Variants in TENM3 observed in about 807,000 individuals in gnomAD.
TENM3 encodes teneurin transmembrane protein 3, also known as teneurin-3.
Under a neutral mutation model 255.1 loss-of-function variants are expected in TENM3, and 63 were observed. The observed-to-expected ratio is 0.25, with a 90% CI of 0.20 to 0.30. The LOEUF is 0.30. Ranked by LOEUF, TENM3 falls within the 10% of genes least tolerant of loss-of-function variation. TENM3 has a pLI of 1.00. For missense variants in TENM3, 2,929 were observed against 3,461.1 expected (o/e 0.85, Z 3.86); for synonymous variants, 1,306 against 1,322.3 (o/e 0.99, Z 0.27).
chr4:182,302,311 G>A (rs1266675570), intron 1 of TENM3, among the ~76,000 whole-genome samples: 1 of 152,152 alleles, frequency 6.6e-6, no homozygotes, highest in Non-Finnish European at 1.5e-5. Flanking sequence ...CCTGTGGAAG[G>A]TGAAAGTCAT....
chr4:182,181,027 A>AT (rs199749647), intron 1 of TENM3, among the ~76,000 whole-genome samples: 30 of 149,696 alleles, frequency 2.0e-4, no homozygotes, highest in African/African-American at 5.4e-4. Context: ...ATTCTTGGTG[A>AT]TTTTTTTTTT....
chr4:181,907,699 C>T, the TENM3 span, among the ~76,000 whole-genome samples: 7 of 152,248 alleles, frequency 4.6e-5, no homozygotes, highest in East Asian at 1.9e-4. Context: ...CATCACCCCA[C>T]AAGCTCTCAG....
chr4:181,610,973 C>T, the TENM3 span, among the ~76,000 whole-genome samples: 1 of 152,184 alleles, frequency 6.6e-6, no homozygotes, highest in East Asian at 1.9e-4. Flanking sequence ...GGAAAAGACC[C>T]AAAGGTCAAC....
chr4:182,739,326 G>A (rs762264901), intron 18 of TENM3, among the ~76,000 whole-genome samples: 12 of 152,174 alleles, frequency 7.9e-5, no homozygotes, highest in Non-Finnish European at 1.6e-4. Context: ...ACACAATTCT[G>A]TTGTCTAGAC....
the TENM3 span, among the ~76,000 whole-genome samples, chr4:181,797,647 C>A: frequency 0.44 from 67,217 of 151,994 alleles, 15,452 homozygotes; most frequent in Non-Finnish European, 0.5. Flanking sequence ...AGAAAGAGGA[C>A]ACTTCATAGC....
At chr4:182,788,999 GAATC>G in intron 24 of TENM3, 90 bp from the exon 25 acceptor site, 1 of 1,135,240 alleles carries the variant, frequency 8.8e-7, no homozygotes, top group South Asian at 1.7e-5. Flanking sequence ...CTGACAAAGA[GAATC>G]AATCATCGTA....
the TENM3 span, among the ~76,000 whole-genome samples, chr4:181,754,680 A>G: frequency 6.6e-6 from 1 of 152,126 alleles, no homozygotes; most frequent in Non-Finnish European, 1.5e-5. Context: ...TGATTATAGA[A>G]AGCTGGAAAG....
the TENM3 span, among the ~76,000 whole-genome samples, chr4:182,034,383 A>G: frequency 6.6e-6 from 1 of 152,164 alleles, no homozygotes; most frequent in East Asian, 1.9e-4. Flanking sequence ...GCCCACTTGC[A>G]TTTAAGGTTA....
At chr4:181,644,976 T>C in the TENM3 span, among the ~76,000 whole-genome samples, 103,320 of 151,992 alleles carry the variant, frequency 0.68, 35,421 homozygotes, top group Non-Finnish European at 0.72. Flanking sequence ...GAGGTTGCCC[T>C]AGACCATGTA....
chr4:181,531,174 T>A, the TENM3 span, among the ~76,000 whole-genome samples: 1 of 152,088 alleles, frequency 6.6e-6, no homozygotes. Context: ...AGAACCAGAG[T>A]GACTTTAACT....
chr4:181,994,631 T>A, the TENM3 span, among the ~76,000 whole-genome samples: 1 of 151,208 alleles, frequency 6.6e-6, no homozygotes, highest in Non-Finnish European at 1.5e-5. Context: ...AATAGTTGTA[T>A]TGATAAAATC....
chr4:182,380,779 A>G (rs968922523), intron 3 of TENM3, among the ~76,000 whole-genome samples: 3 of 152,154 alleles, frequency 2.0e-5, no homozygotes, highest in Admixed American at 6.5e-5. Context: ...TTGCTTTCCC[A>G]TTTCAGCAAG....
At chr4:181,856,661 T>C in the TENM3 span, among the ~76,000 whole-genome samples, 2 of 152,242 alleles carry the variant, frequency 1.3e-5, no homozygotes, top group African/African-American at 2.4e-5. Flanking sequence ...GGATGACTTC[T>C]TGGTGTGGCG....
chr4:181,823,070 T>A, the TENM3 span, among the ~76,000 whole-genome samples: 1 of 152,172 alleles, frequency 6.6e-6, no homozygotes. Context: ...AGCATTTTGT[T>A]TCTTGCAGGT....
intron 3 of TENM3, among the ~76,000 whole-genome samples, chr4:182,414,002 T>C (rs1770193307): frequency 6.6e-6 from 1 of 152,232 alleles, no homozygotes; most frequent in African/African-American, 2.4e-5. Flanking sequence ...TGTTGGAATA[T>C]GTTAGTATAG....
chr4:181,536,303 C>T, the TENM3 span, among the ~76,000 whole-genome samples: 2 of 152,114 alleles, frequency 1.3e-5, no homozygotes, highest in Non-Finnish European at 2.9e-5. Context: ...TTGCAATGTT[C>T]GGCCATTATG....
At chr4:182,204,377 A>G (rs1324788559) in intron 1 of TENM3, among the ~76,000 whole-genome samples, 1 of 152,210 alleles carries the variant, frequency 6.6e-6, no homozygotes, top group Non-Finnish European at 1.5e-5. Flanking sequence ...GAAAACGTTT[A>G]CTCCAAACTA....
chr4:182,097,621 A>G, the TENM3 span, among the ~76,000 whole-genome samples: 1 of 152,220 alleles, frequency 6.6e-6, no homozygotes, highest in South Asian at 2.1e-4. Context: ...AACAATGAAC[A>G]AAATAGAATA....
chr4:182,713,151 C>T (rs1579202467), intron 12 of TENM3, among the ~76,000 whole-genome samples: 1 of 152,086 alleles, frequency 6.6e-6, no homozygotes, highest in African/African-American at 2.4e-5. Flanking sequence ...CCTCCTTGCC[C>T]ATAAAAGCAG....
Sources: allele counts gnomAD v4.1 joint callset (sites outside exome capture counted in the v4.1 genomes callset), GRCh38; gene constraint gnomAD v4.1.1; transcripts MANE v1.5; gene names NCBI Gene and HGNC (gene_info 2026-07-23, HGNC 2026-07-21).